Variants in RBFOX1 observed in about 807,000 individuals in gnomAD.
RBFOX1 encodes the protein RNA binding protein fox-1 homolog 1.
RBFOX1 carries 8 observed loss-of-function variants against 57.7 expected under a neutral mutation model. The ratio of observed to expected loss-of-function variants is 0.14; its 90% CI spans 0.08 to 0.25. RBFOX1 has a LOEUF of 0.25. Ranked by LOEUF, RBFOX1 falls within the 10% of genes least tolerant of loss-of-function variation. The pLI is 1.00. For synonymous variants in RBFOX1, 326 were observed against 222.4 expected (o/e 1.47, Z -4.15); for missense variants, 611 against 548.5 (o/e 1.11, Z -1.14).
chr16:5,795,386 G>A (rs1172503519), intron 3 of RBFOX1, among the ~76,000 whole-genome samples: 1 of 151,538 alleles, frequency 6.6e-6, no homozygotes, highest in African/African-American at 2.4e-5. Flanking sequence ...TCATTGCTGT[G>A]TCAATCTTCT....
At chr16:6,978,264 C>G (rs1456975304) in intron 3 of RBFOX1, among the ~76,000 whole-genome samples, 1 of 152,184 alleles carries the variant, frequency 6.6e-6, no homozygotes, top group Non-Finnish European at 1.5e-5. Context: ...TGGCTTTGTA[C>G]TTGATAGATG....
chr16:6,107,374 C>G (rs1292303081), intron 1 of RBFOX1, among the ~76,000 whole-genome samples: 2 of 152,086 alleles, frequency 1.3e-5, no homozygotes, highest in African/African-American at 4.8e-5. Flanking sequence ...GAGATAACCT[C>G]TTTCTTATCC....
At chr16:6,543,300 C>T (rs1424223844) in intron 2 of RBFOX1, among the ~76,000 whole-genome samples, 1 of 152,080 alleles carries the variant, frequency 6.6e-6, no homozygotes, top group African/African-American at 2.4e-5. Flanking sequence ...ACAGTTGCCC[C>T]TCCTTGAGAC....
chr16:7,152,421 G>T (rs985525214), intron 4 of RBFOX1, among the ~76,000 whole-genome samples: 1 of 152,206 alleles, frequency 6.6e-6, no homozygotes, highest in Non-Finnish European at 1.5e-5. Flanking sequence ...GATAGCCAAA[G>T]AAATTGCCAT....
At chr16:6,350,363 C>T (rs1283690247) in intron 2 of RBFOX1, among the ~76,000 whole-genome samples, 4 of 145,014 alleles carry the variant, frequency 2.8e-5, no homozygotes, top group East Asian at 2.1e-4. Flanking sequence ...AGCACTTGAA[C>T]CCAGGAGGCA....
intron 4 of RBFOX1, among the ~76,000 whole-genome samples, chr16:7,331,074 A>C (rs968081281): frequency 1.3e-5 from 2 of 152,192 alleles, no homozygotes; most frequent in African/African-American, 4.8e-5. Context: ...AAGATGGCCA[A>C]AATTCAGCCT....
intron 3 of RBFOX1, among the ~76,000 whole-genome samples, chr16:7,019,150 TC>T (rs2094077042): frequency 6.6e-6 from 1 of 151,978 alleles, no homozygotes; most frequent in Non-Finnish European, 1.5e-5. Flanking sequence ...AAATAACCAT[TC>T]CTTTGTAATA....
intron 3 of RBFOX1, among the ~76,000 whole-genome samples, chr16:6,963,137 T>C (rs2083374687): frequency 2.6e-5 from 4 of 152,128 alleles, no homozygotes; most frequent in Admixed American, 2.6e-4. Flanking sequence ...CAGGACTCTT[T>C]GGGGTTCTGG....
At chr16:5,509,546 C>T (rs1597350001) in intron 2 of RBFOX1, among the ~76,000 whole-genome samples, 1 of 152,150 alleles carries the variant, frequency 6.6e-6, no homozygotes, top group Non-Finnish European at 1.5e-5. Context: ...TGGCTGGCGG[C>T]CCAGAGGGTG....
chr16:5,784,506 A>C (rs2151713331), intron 3 of RBFOX1, among the ~76,000 whole-genome samples: 1 of 152,164 alleles, frequency 6.6e-6, no homozygotes, highest in Admixed American at 6.5e-5. Context: ...GGTACTACAC[A>C]CTTTTAAACA....
intron 4 of RBFOX1, among the ~76,000 whole-genome samples, chr16:7,201,930 G>C (rs8053396): frequency 6.6e-6 from 1 of 152,114 alleles, no homozygotes; most frequent in African/African-American, 2.4e-5. Context: ...ATTTATTTCA[G>C]AGGTAACACT....
intron 11 of RBFOX1, among the ~76,000 whole-genome samples, chr16:7,641,682 C>T (rs1447762504): frequency 6.6e-6 from 1 of 152,128 alleles, no homozygotes; most frequent in African/African-American, 2.4e-5. Flanking sequence ...GTCCTAATTC[C>T]CACTAGTGGT....
intron 3 of RBFOX1, among the ~76,000 whole-genome samples, chr16:5,847,992 T>A (rs2151859005): frequency 6.6e-6 from 1 of 152,270 alleles, no homozygotes; most frequent in Non-Finnish European, 1.5e-5. Flanking sequence ...TCTGGTGTAG[T>A]GTAAACACCC....
At chr16:7,051,512 A>G (rs1598150517) in intron 3 of RBFOX1, among the ~76,000 whole-genome samples, 1 of 152,220 alleles carries the variant, frequency 6.6e-6, no homozygotes, top group African/African-American at 2.4e-5. Context: ...TGATTGAAGG[A>G]TTGGCTTCAC....
At chr16:6,933,351 G>A (rs769823455) in intron 3 of RBFOX1, among the ~76,000 whole-genome samples, 8 of 152,148 alleles carry the variant, frequency 5.3e-5, no homozygotes, top group Admixed American at 2.6e-4. Context: ...TTGCATTTCC[G>A]TCAGCAGTGC....
chr16:6,124,057 G>A (rs1190530464), intron 1 of RBFOX1, among the ~76,000 whole-genome samples: 1 of 152,200 alleles, frequency 6.6e-6, no homozygotes, highest in Non-Finnish European at 1.5e-5. Context: ...CTGCCCTCGA[G>A]TGTGAGACAT....
intron 4 of RBFOX1, among the ~76,000 whole-genome samples, chr16:7,139,086 G>GAGCCACC (rs775546823): frequency 3.9e-5 from 6 of 152,082 alleles, no homozygotes; most frequent in Non-Finnish European, 7.4e-5. Flanking sequence ...TTACAGGCAT[G>GAGCCACC]AGCCACCATG....
chr16:6,772,706 G>A (rs1217298088), intron 3 of RBFOX1, among the ~76,000 whole-genome samples: 1 of 149,336 alleles, frequency 6.7e-6, no homozygotes, highest in Non-Finnish European at 1.5e-5. Context: ...GGTGTGGGAT[G>A]CATTTGTATG....
intron 2 of RBFOX1, among the ~76,000 whole-genome samples, chr16:6,450,778 T>TACATATATATATAC (rs1437960418): frequency 7.6e-5 from 4 of 52,334 alleles, no homozygotes; most frequent in African/African-American, 3.6e-4. Flanking sequence ...TATATATATA[T>TACATATATATATAC]ATATATATAT....
Sources: gnomAD v4.1 joint callset for allele counts (sites outside exome capture counted in the v4.1 genomes callset) on GRCh38, gnomAD v4.1.1 for gene constraint, MANE v1.5 for transcripts, NCBI Gene and HGNC (gene_info 2026-07-23, HGNC 2026-07-21) for gene names.